Variants in EPB41L1 observed in about 807,000 individuals in gnomAD.
EPB41L1 encodes the protein erythrocyte membrane protein band 4.1 like 1.
EPB41L1 carries 29 observed loss-of-function variants against 97.8 expected under a neutral mutation model. The observed-to-expected ratio is 0.30, with a 90% confidence interval of 0.22 to 0.40. EPB41L1 has a LOEUF of 0.40. Among genes scored for constraint, EPB41L1 ranks in the 10% least tolerant of loss-of-function variants. The pLI is 1.00. For missense variants in EPB41L1, 812 were observed against 1,162.3 expected (o/e 0.70, Z 4.38); for synonymous variants, 383 against 459.2 (o/e 0.83, Z 2.12).
At chr20:36,178,736 C>A in intron 5 of EPB41L1, 64 bp downstream of exon 5, 2 of 1,505,206 alleles carry the variant, frequency 1.3e-6, no homozygotes, top group Non-Finnish European at 1.9e-6. Context: ...TGAGAGCCCC[C>A]CTTGTACTGC....
At chr20:36,104,053 C>T (rs945065444) in intron 1 of EPB41L1, among the ~76,000 whole-genome samples, 7 of 152,040 alleles carry the variant, frequency 4.6e-5, no homozygotes, top group Non-Finnish European at 8.8e-5. Flanking sequence ...CATTGTGCTG[C>T]GGGGGCCAGG....
intron 1 of EPB41L1, 114 bp downstream of exon 1, chr20:36,155,010 T>C: frequency 2.0e-6 from 2 of 1,007,016 alleles, no homozygotes; most frequent in Non-Finnish European, 2.6e-6. Flanking sequence ...GTTTTCAGGC[T>C]GTTGGTCCCC....
In EPB41L1 at chr20:36,230,651, C is replaced by T. The variant is rs1388695768; in HGVS notation, c.*1311C>T. 6.6e-6 allele frequency: 1 copy of T among 152,232 alleles called. No homozygotes were observed. Among genetic ancestry groups the T allele is most frequent in the East Asian group, 1.9e-4 (1 of 5,196 alleles). 9.4% of individuals were successfully genotyped at this position (152,232 alleles called of 1,614,324 possible). On this transcript the variant is annotated 3_prime_UTR_variant, in exon 22 of 22. Coordinates refer to ENST00000338074, the MANE Select transcript of EPB41L1 (RefSeq NM_012156.2). ...AGTAACAGTCAGGGCCTGGTCTGTGCTCAGGTACTGGGTCCCAGTCTGGGA... is the reference window on the plus strand; with the variant it reads ...AGTAACAGTCAGGGCCTGGTCTGTGTTCAGGTACTGGGTCCCAGTCTGGGA...
intron 19 of EPB41L1, 24 bp downstream of exon 19, chr20:36,219,868 T>G: frequency 6.2e-7 from 1 of 1,604,690 alleles, no homozygotes; most frequent in East Asian, 2.2e-5. Flanking sequence ...GGGCGCCCCA[T>G]GCCCCCAGCC....
intron 1 of EPB41L1, among the ~76,000 whole-genome samples, chr20:36,173,080 A>G (rs917390956): frequency 1.3e-5 from 2 of 152,180 alleles, no homozygotes; most frequent in Non-Finnish European, 2.9e-5. Context: ...GCATTTCTCT[A>G]CGTTGCTCAT....
chr20:36,153,651 C>T (rs1261513585), upstream of EPB41L1, among the ~76,000 whole-genome samples: 1 of 152,078 alleles, frequency 6.6e-6, no homozygotes, highest in Non-Finnish European at 1.5e-5. Context: ...AACTAGGGAC[C>T]CTAGAGATAG....
chr20:36,199,829 C>T (rs553664742), intron 14 of EPB41L1, among the ~76,000 whole-genome samples: 2 of 152,146 alleles, frequency 1.3e-5, no homozygotes, highest in African/African-American at 2.4e-5. Flanking sequence ...AAGAGTGAGT[C>T]TCCAGAAGAG....
At chr20:36,218,810 T>C in intron 17 of EPB41L1, 66 bp from the exon 18 acceptor site, 2 of 1,462,870 alleles carry the variant, frequency 1.4e-6, no homozygotes, top group Non-Finnish European at 1.9e-6. Flanking sequence ...CATGGCCACA[T>C]GCTCCGCCCA....
chr20:36,178,270 T>G (rs2061332629), intron 4 of EPB41L1, among the ~76,000 whole-genome samples: 1 of 152,244 alleles, frequency 6.6e-6, no homozygotes, highest in African/African-American at 2.4e-5. Context: ...TAGAGAGCCC[T>G]GGTCTGGCTG....
At chr20:36,155,074 C>A in intron 1 of EPB41L1, 178 bp downstream of exon 1, 1 of 595,118 alleles carries the variant, frequency 1.7e-6, no homozygotes, top group Admixed American at 2.4e-5. Flanking sequence ...GGTCTGCAGC[C>A]TCCTCCAAGG....
intron 1 of EPB41L1, among the ~76,000 whole-genome samples, chr20:36,098,186 A>G (rs2057895346): frequency 6.6e-6 from 1 of 152,148 alleles, no homozygotes; most frequent in Non-Finnish European, 1.5e-5. Flanking sequence ...AAGGTGCAGG[A>G]GAGGTGAGAG....
At chr20:36,225,172 T>C (rs2064041601) in intron 21 of EPB41L1, among the ~76,000 whole-genome samples, 1 of 152,258 alleles carries the variant, frequency 6.6e-6, no homozygotes, top group Admixed American at 6.5e-5. Flanking sequence ...CTATTTCTAT[T>C]GGACAGCACT....
chr20:36,117,814 G>T (rs113570120), intron 2 of EPB41L1, among the ~76,000 whole-genome samples: 1 of 152,190 alleles, frequency 6.6e-6, no homozygotes, highest in South Asian at 2.1e-4. Context: ...AGCCCAGTGT[G>T]GGGGAGGAGT....
At chr20:36,124,859 T>C (rs2058898399) in intron 2 of EPB41L1, among the ~76,000 whole-genome samples, 1 of 152,170 alleles carries the variant, frequency 6.6e-6, no homozygotes, top group Non-Finnish European at 1.5e-5. Flanking sequence ...GCTCAATAAA[T>C]GGCAGCTTTT....
At chr20:36,125,452 C>T in intron 2 of EPB41L1, 1 of 962,984 alleles carries the variant, frequency 1.0e-6, no homozygotes, top group Non-Finnish European at 1.6e-6. Context: ...TCATGGTTTT[C>T]TTGGGGAGGA....
At chr20:36,219,020 A>G in intron 18 of EPB41L1, 58 bp downstream of exon 18, 1 of 1,553,616 alleles carries the variant, frequency 6.4e-7, no homozygotes, top group Non-Finnish European at 8.9e-7. Flanking sequence ...ATGGGCATGG[A>G]CCCATGTATG....
intron 1 of EPB41L1, among the ~76,000 whole-genome samples, chr20:36,101,937 G>A (rs928203045): frequency 2.6e-5 from 4 of 151,926 alleles, no homozygotes; most frequent in African/African-American, 7.3e-5. Context: ...CCTGGGAGGC[G>A]GAGGTTGCAG....
At chr20:36,095,770 G>A (rs191781304) in intron 1 of EPB41L1, among the ~76,000 whole-genome samples, 32 of 152,320 alleles carry the variant, frequency 2.1e-4, no homozygotes, top group African/African-American at 5.3e-4. Flanking sequence ...TTGGCAGGGC[G>A]TGGTGGCTCA....
intron 2 of EPB41L1, among the ~76,000 whole-genome samples, chr20:36,126,829 C>T (rs1252844398): frequency 1.3e-5 from 2 of 152,166 alleles, no homozygotes; most frequent in African/African-American, 2.4e-5. Flanking sequence ...TTAGATTACC[C>T]GTCTAATTTT....
Sources: gnomAD v4.1 joint callset for allele counts (sites outside exome capture counted in the v4.1 genomes callset) on GRCh38, gnomAD v4.1.1 for gene constraint, MANE v1.5 for transcripts, NCBI Gene and HGNC (gene_info 2026-07-23, HGNC 2026-07-21) for gene names.